EDEM3: variants seen among roughly 807,000 people sequenced by gnomAD.
EDEM3 encodes the protein ER degradation-enhancing alpha-mannosidase-like protein 3.
Under a neutral mutation model 110.2 loss-of-function variants are expected in EDEM3, and 60 were observed. The observed-to-expected ratio is 0.54, with a 90% confidence interval of 0.44 to 0.67. The LOEUF (loss-of-function observed/expected upper bound fraction) is 0.67, where lower values mean the gene tolerates loss of function less well. Among genes scored for constraint, EDEM3 ranks in the 30% least tolerant of loss-of-function variants. The pLI, the probability that EDEM3 is intolerant of heterozygous loss-of-function variation, is 0.00. For synonymous variants in EDEM3, 352 were observed against 382.9 expected (o/e 0.92, Z 0.94); for missense variants, 996 against 1,121.0 (o/e 0.89, Z 1.59).
Position 184,726,325 on chromosome 1 carries a change from G to A in EDEM3, c.677C>T (p.Thr226Ile). The A allele has an allele frequency of 1.2e-6, 2 of 1,613,856 alleles. No homozygotes were observed. The highest frequency in any genetic ancestry group is 2.2e-5 in the East Asian group (1 of 44,814). Residue 226 changes from threonine (T) to isoleucine (I), a missense_variant, in exon 7 of 20, where the codon ACA becomes ATA. Transcript: ENST00000318130. ...AAGGATCAAGGTACCTGCACAAGCT[G>A]TACAGGTATCTGTCTCAGTTCCTGT... ...ARTGTETDTC[T>I]ACAGTLILEF...
intron 6 of EDEM3, among the ~76,000 whole-genome samples, chr1:184,727,360 C>G (rs1483519683): frequency 1.3e-5 from 2 of 152,068 alleles, no homozygotes; most frequent in African/African-American, 4.8e-5. Context: ...TATTTTTCAG[C>G]AATCCAAATA....
At chr1:184,727,787 A>C (rs915795831) in intron 6 of EDEM3, among the ~76,000 whole-genome samples, 2 of 152,174 alleles carry the variant, frequency 1.3e-5, no homozygotes, top group Non-Finnish European at 2.9e-5. Context: ...ACTTATAATT[A>C]TCTCTACCAT....
chr1:184,732,989 C>G lies in EDEM3; in HGVS notation c.460G>C (p.Gly154Arg). Reference protein sequence around the residue: ...VFETNIRVLGGLLGGHSLAIM... With the variant: ...VFETNIRVLGRLLGGHSLAIM... The stretch of plus-strand genomic sequence containing the variant: ...GCCAGGGAGTGCCCACCCAAAAGAC[C>G]CCTAGGATCACAGAGATGAAACATT... The change falls in exon 6 of 20, where the codon GGT becomes CGT. Residue 154 changes from glycine to arginine, a missense_variant and splice_region_variant. This residue lies in a region of EDEM3 where 310 missense variants were observed against 394.6 expected (regional missense o/e 0.79). Transcript: ENST00000318130. The G allele has an allele frequency of 6.2e-7, 1 of 1,612,680 alleles. No individual in the cohort carries two copies. The highest frequency in any genetic ancestry group is 2.2e-5 in the East Asian group (1 of 44,832).
chr1:184,737,210 G>T (rs1294343932), intron 3 of EDEM3, 146 bp from the exon 4 acceptor site: 4 of 668,044 alleles, frequency 6.0e-6, no homozygotes, highest in African/African-American at 3.6e-5. Context: ...AACCTATAAG[G>T]CTCTGAAAGA....
intron 8 of EDEM3, among the ~76,000 whole-genome samples, chr1:184,722,926 CATT>C (rs1571384751): frequency 1.3e-5 from 2 of 151,964 alleles, no homozygotes; most frequent in East Asian, 3.9e-4. Flanking sequence ...GTTCATATAA[CATT>C]GTTACATGTT....
chr1:184,751,984 C>T (rs1652793322), intron 1 of EDEM3, among the ~76,000 whole-genome samples: 1 of 152,026 alleles, frequency 6.6e-6, no homozygotes, highest in African/African-American at 2.4e-5. Flanking sequence ...AACTCCCGAC[C>T]TCAGGTGATT....
chr1:184,720,637 CCAT>C (rs1216595387), intron 9 of EDEM3: 1 of 151,932 alleles, frequency 6.6e-6, no homozygotes, highest in Non-Finnish European at 1.5e-5. Context: ...CTTTTAATCA[CCAT>C]GTCATACTGT....
chr1:184,735,267 T>C (rs1282349663), intron 4 of EDEM3, among the ~76,000 whole-genome samples: 1 of 152,204 alleles, frequency 6.6e-6, no homozygotes, highest in Non-Finnish European at 1.5e-5. Context: ...ATACCTACTC[T>C]TATAGGGTTG....
chr1:184,706,726 G>A lies in EDEM3; in HGVS notation c.2120C>T (p.Ala707Val). Reference sequence around the variant, plus strand: ...CATGCACTGTCCTCTTTGTATCAGTGCGATTTTTCCCATCACTGCCTCTGG... The same window carrying A: ...CATGCACTGTCCTCTTTGTATCAGTACGATTTTTCCCATCACTGCCTCTGG... ...TNPEAVMGKI[A>V]LIQRGQCMFA... Residue 707 changes from alanine to valine, a missense_variant, in exon 18 of 20, where the codon GCA becomes GTA. Physicochemically the swap from Ala to Val is moderately conservative, Grantham distance 64 (BLOSUM62 0). This residue lies in a region of EDEM3 where 345 missense variants were observed against 402.0 expected (regional missense o/e 0.86). Coordinates refer to ENST00000318130, the MANE Select transcript of EDEM3 (RefSeq NM_025191.4). 1 of 1,613,920 alleles carries A rather than the reference G, an allele frequency of 6.2e-7. No individual in the cohort carries two copies. Among genetic ancestry groups the A allele is most frequent in the Admixed American group, 1.7e-5 (1 of 60,002 alleles).
rs1279191139 is a variant in EDEM3 at position 184,694,018 on chromosome 1, T to C, written c.*45A>G. On this transcript the variant is annotated 3_prime_UTR_variant, in exon 20 of 20. Coordinates refer to ENST00000318130, the MANE Select transcript of EDEM3 (RefSeq NM_025191.4). ...TAGGATGTCTATTAACCACACACAG[T>C]TTACCTTTTCTTTTTAAATACCTAC... 1 of 1,568,504 alleles carries C rather than the reference T, an allele frequency of 6.4e-7. No individual in the cohort carries two copies. Among genetic ancestry groups the C allele is most frequent in the South Asian group, 1.2e-5 (1 of 83,342 alleles).
intron 2 of EDEM3, among the ~76,000 whole-genome samples, chr1:184,747,689 A>T (rs1349870904): frequency 6.6e-6 from 1 of 152,218 alleles, no homozygotes; most frequent in Non-Finnish European, 1.5e-5. Context: ...CTTAAATCTT[A>T]TTAAGTAGTT....
rs370828954 is a variant in EDEM3, at chr1:184,737,605, A to C, written c.305+6T>G. ...ATGCCATGCCATGCCCTGTGTTAAT[A>C]CTCACTTTCCCAAGGCATCATCAAC... On this transcript the variant is annotated splice_donor_region_variant and intron_variant, in intron 3 of 19. Coordinates refer to ENST00000318130, the MANE Select transcript of EDEM3 (RefSeq NM_025191.4). 2 of 1,613,576 alleles carry C rather than the reference A, an allele frequency of 1.2e-6. No homozygotes were observed. Among genetic ancestry groups the C allele is most frequent in the Non-Finnish European group, 1.7e-6 (2 of 1,179,536 alleles).
intron 9 of EDEM3, among the ~76,000 whole-genome samples, chr1:184,719,954 T>C (rs894842852): frequency 1.6e-4 from 24 of 152,206 alleles, no homozygotes; most frequent in African/African-American, 5.5e-4. Flanking sequence ...TTCCTGTATC[T>C]TGGAAGTTTG....
intron 2 of EDEM3, among the ~76,000 whole-genome samples, chr1:184,740,388 T>A (rs188733088): frequency 6.6e-6 from 1 of 152,312 alleles, no homozygotes; most frequent in East Asian, 1.9e-4. Context: ...CCCAACAACA[T>A]GGTTCAAATT....
chr1:184,744,632 A>G (rs543198636), intron 2 of EDEM3, among the ~76,000 whole-genome samples: 1 of 152,194 alleles, frequency 6.6e-6, no homozygotes, highest in Admixed American at 6.5e-5. Flanking sequence ...CTTTATTAAT[A>G]CAATAATAGC....
At chr1:184,734,983 C>T (rs1369058704) in intron 4 of EDEM3, among the ~76,000 whole-genome samples, 1 of 152,088 alleles carries the variant, frequency 6.6e-6, no homozygotes, top group Admixed American at 6.5e-5. Context: ...AAATTAAAAC[C>T]CATCCTATTC....
At chr1:184,753,738 T>C (rs528198591) in intron 1 of EDEM3, among the ~76,000 whole-genome samples, 1 of 152,342 alleles carries the variant, frequency 6.6e-6, no homozygotes, top group South Asian at 2.1e-4. Flanking sequence ...TTTTCATGTT[T>C]ATTTACCACT....
chr1:184,719,044 C>T (rs2102084959), intron 11 of EDEM3, 118 bp downstream of exon 11: 1 of 510,144 alleles, frequency 2.0e-6, no homozygotes. Context: ...AAAGAACCAA[C>T]AAGCCTTGAA....
At chr1:184,725,059 T>C (rs1651115635) in intron 7 of EDEM3, among the ~76,000 whole-genome samples, 1 of 152,224 alleles carries the variant, frequency 6.6e-6, no homozygotes, top group South Asian at 2.1e-4. Flanking sequence ...AAGCTTTATT[T>C]ATAAAAACAG....
Sources: gnomAD v4.1 joint callset for allele counts (sites outside exome capture counted in the v4.1 genomes callset) on GRCh38, gnomAD v4.1.1 for gene constraint, gnomAD v4.1.1 regional missense constraint, MANE v1.5 for transcripts, NCBI Gene and HGNC (gene_info 2026-07-23, HGNC 2026-07-21) for gene names.